SLC22A23: variants seen among roughly 807,000 people sequenced by gnomAD.
The protein encoded by SLC22A23 is solute carrier family 22 member 23, also known as ion transporter protein.
In SLC22A23, 26 loss-of-function variants were observed where a neutral mutation model predicts 61.0. The ratio of observed to expected loss-of-function variants is 0.43; its 90% CI spans 0.31 to 0.59. SLC22A23 has a LOEUF of 0.59. SLC22A23 is among the 20% of genes least tolerant of loss of function. SLC22A23 has a pLI of 0.11. For missense variants in SLC22A23, 796 were observed against 934.7 expected, an observed-to-expected ratio of 0.85 and a Z score of 1.94; for synonymous variants, 430 against 413.9, an observed-to-expected ratio of 1.04 and a Z score of -0.47.
intron 7 of SLC22A23, among the ~76,000 whole-genome samples, chr6:3,285,929 C>A (rs960260016): frequency 1.3e-5 from 2 of 152,072 alleles, no homozygotes; most frequent in Non-Finnish European, 2.9e-5. Context: ...CCAGGAGGAC[C>A]GTGCCAGGGT....
chr6:3,296,700 C>T (rs1039423576), intron 5 of SLC22A23, among the ~76,000 whole-genome samples: 4 of 152,248 alleles, frequency 2.6e-5, no homozygotes, highest in Admixed American at 1.3e-4. Context: ...AAGCTTCAGG[C>T]GTCCCTGGGT....
chr6:3,415,630 G>T, intron 2 of SLC22A23, 122 bp downstream of exon 2: 1 of 666,662 alleles, frequency 1.5e-6, no homozygotes, highest in Non-Finnish European at 2.6e-6. Context: ...GGCAGCTTTG[G>T]CCTTCTGCTC....
intron 1 of SLC22A23, chr6:3,444,839 T>C: frequency 1.0e-6 from 1 of 985,528 alleles, no homozygotes; most frequent in African/African-American, 1.7e-5. Context: ...ACATCATCGG[T>C]TTCTGGGTGA....
intron 4 of SLC22A23, among the ~76,000 whole-genome samples, chr6:3,307,306 T>G (rs1182860217): frequency 6.6e-6 from 1 of 152,220 alleles, no homozygotes; most frequent in Non-Finnish European, 1.5e-5. Flanking sequence ...TCTTTCCTCC[T>G]GATGACACAT....
intron 8 of SLC22A23, among the ~76,000 whole-genome samples, chr6:3,284,501 G>A (rs565305409): frequency 3.3e-5 from 5 of 152,228 alleles, no homozygotes; most frequent in East Asian, 1.9e-4. Flanking sequence ...CACAGTGCAC[G>A]GGCATGCTGT....
intron 4 of SLC22A23, among the ~76,000 whole-genome samples, chr6:3,310,161 A>G (rs1479820425): frequency 6.6e-6 from 1 of 151,838 alleles, no homozygotes; most frequent in African/African-American, 2.4e-5. Flanking sequence ...TTTTCTTAAT[A>G]CCATCACATT....
At chr6:3,279,782 C>G (rs78408521) in intron 9 of SLC22A23, among the ~76,000 whole-genome samples, 1 of 152,030 alleles carries the variant, frequency 6.6e-6, no homozygotes, top group East Asian at 1.9e-4. Context: ...GCTTGATTTA[C>G]GGACAGAGAA....
At chr6:3,389,367 A>C (rs1019362485) in intron 3 of SLC22A23, among the ~76,000 whole-genome samples, 1 of 152,140 alleles carries the variant, frequency 6.6e-6, no homozygotes, top group Non-Finnish European at 1.5e-5. Context: ...ACATTATTGA[A>C]ATGTACACTT....
intron 4 of SLC22A23, chr6:3,323,164 T>G (rs181193884): frequency 4.5e-6 from 2 of 440,782 alleles, no homozygotes; most frequent in Non-Finnish European, 9.1e-6. Context: ...AGGTTACCCA[T>G]AGTTCAAAAA....
Position 3,346,047 on chromosome 6 carries a change from A to G in SLC22A23, c.914-22045T>C, listed in dbSNP as rs918263110. On this transcript the variant is annotated intron_variant, in intron 3 of 9. Coordinates refer to ENST00000406686, the MANE Select transcript of SLC22A23 (RefSeq NM_015482.2). ...GTCATACTGCCACTAAACAGCTTCC[A>G]CTTCAGCATTTGAAATGTTCCACTT... Among the ~76,000 whole-genome samples the G allele has an allele frequency of 2.0e-5, 3 of 152,054 alleles. No homozygotes were observed. In the South Asian group the frequency reaches 6.2e-4, roughly 32 times the overall value.
chr6:3,394,532 C>T (rs767828947), intron 3 of SLC22A23, among the ~76,000 whole-genome samples: 6 of 152,312 alleles, frequency 3.9e-5, no homozygotes, highest in Admixed American at 6.5e-5. Context: ...ATGCCTACTG[C>T]ATCAAAGAGG....
At position 3,410,199 on chromosome 6, in the gene SLC22A23, A is replaced by C; in HGVS notation, c.902T>G (p.Leu301Trp). The C allele has an allele frequency of 6.2e-7, 1 of 1,612,316 alleles. No homozygotes were observed. The highest frequency in any genetic ancestry group is 8.5e-7 in the Non-Finnish European group (1 of 1,179,478). ...AGGCTCCTACTTACGTAAAGCATAC[A>C]AGGTGAGAATGATTCCAGCCAGGCA... The part of the protein sequence containing the change: ...GFCLAGIILT[L>W]YALRIELCPP... Residue 301 changes from leucine (L) to tryptophan (W), a missense_variant, in exon 3 of 10, where the codon TTG becomes TGG. Transcript: ENST00000406686. This position sits in a 1 kb window ranked among gnomAD's most constrained non-coding sequence, Gnocchi z 5.0.
At chr6:3,319,097 C>T (rs948607393) in intron 4 of SLC22A23, among the ~76,000 whole-genome samples, 5 of 152,224 alleles carry the variant, frequency 3.3e-5, no homozygotes, top group African/African-American at 1.2e-4. Flanking sequence ...TCACAGAGCA[C>T]AATCCGGGAC....
At chr6:3,399,652 G>T (rs1404364628) in intron 3 of SLC22A23, among the ~76,000 whole-genome samples, 1 of 152,156 alleles carries the variant, frequency 6.6e-6, no homozygotes, top group African/African-American at 2.4e-5. Context: ...TACAAGGAAG[G>T]GAAAGGGAGA....
At chr6:3,285,162 A>T (rs1289726565) in intron 7 of SLC22A23, 51 bp from the exon 8 acceptor site, 1 of 1,605,604 alleles carries the variant, frequency 6.2e-7, no homozygotes, top group Admixed American at 1.7e-5. Context: ...CAAGCAAGCG[A>T]GAAGAGAGAA....
chr6:3,439,660 A>G (rs914757722), intron 1 of SLC22A23, among the ~76,000 whole-genome samples: 13 of 152,218 alleles, frequency 8.5e-5, no homozygotes, highest in African/African-American at 1.7e-4. Flanking sequence ...TAAGCCATCC[A>G]ACCTCACTCA....
chr6:3,405,845 G>A (rs1159402188), intron 3 of SLC22A23, among the ~76,000 whole-genome samples: 1 of 152,162 alleles, frequency 6.6e-6, no homozygotes, highest in African/African-American at 2.4e-5. Context: ...CTCAAACTCT[G>A]AGTCTATTAC....
chr6:3,408,622 C>A (rs1768987352), intron 3 of SLC22A23, among the ~76,000 whole-genome samples: 1 of 152,214 alleles, frequency 6.6e-6, no homozygotes, highest in Non-Finnish European at 1.5e-5. Context: ...CATTCTCTGG[C>A]AGCTTCAGCC....
intron 4 of SLC22A23, among the ~76,000 whole-genome samples, chr6:3,301,498 A>C (rs1310189600): frequency 1.3e-5 from 2 of 152,228 alleles, no homozygotes; most frequent in Admixed American, 1.3e-4. Flanking sequence ...TACAACGTGG[A>C]AATTTGTGTC....
Sources: gnomAD v4.1 joint callset for allele counts (sites outside exome capture counted in the v4.1 genomes callset) on GRCh38, gnomAD v4.1.1 for gene constraint, Gnocchi (gnomAD v3.1) non-coding constraint, MANE v1.5 for transcripts, NCBI Gene and HGNC (gene_info 2026-07-23, HGNC 2026-07-21) for gene names.